The following PRKCE variants were observed in gnomAD, a reference collection of about 807,000 sequenced individuals.
PRKCE encodes protein kinase C epsilon type.
In PRKCE, 16 loss-of-function variants were observed where a neutral mutation model predicts 85.4. That is an observed-to-expected ratio of 0.19 (90% CI 0.13 to 0.28). The LOEUF is 0.28. Ranked by LOEUF, PRKCE falls within the 10% of genes least tolerant of loss-of-function variation. PRKCE has a pLI of 1.00. For synonymous variants in PRKCE, 388 were observed against 371.5 expected, an observed-to-expected ratio of 1.04 and a Z score of -0.51; for missense variants, 573 against 975.2, an observed-to-expected ratio of 0.59 and a Z score of 5.49.
At chr2:46,125,897 C>T (rs781288621) in intron 11 of PRKCE, among the ~76,000 whole-genome samples, 13 of 152,160 alleles carry the variant, frequency 8.5e-5, no homozygotes, top group Non-Finnish European at 1.3e-4. Flanking sequence ...TACGTGTCTT[C>T]GTTCTGAGTG....
intron 1 of PRKCE, among the ~76,000 whole-genome samples, chr2:45,749,612 A>G (rs1438238865): frequency 6.6e-6 from 1 of 152,268 alleles, no homozygotes; most frequent in African/African-American, 2.4e-5. Context: ...GTTATAGCAC[A>G]CATAATGAAA....
intron 10 of PRKCE, among the ~76,000 whole-genome samples, chr2:46,062,668 C>CTTTTTTTTTTTTTT (rs71394871): frequency 6.8e-5 from 5 of 73,294 alleles, no homozygotes; most frequent in Non-Finnish European, 9.4e-5. Context: ...AAAGCTCAGC[C>CTTTTTTTTTTTTTT]TTTTTTTTTT....
chr2:45,911,668 G>C (rs57810197), intron 2 of PRKCE, among the ~76,000 whole-genome samples: 14,833 of 152,208 alleles, frequency 0.097, 981 homozygotes, highest in East Asian at 0.31. Flanking sequence ...AGATAACTGA[G>C]TTGGTCATGT....
At chr2:46,079,669 G>C (rs955670722) in intron 10 of PRKCE, among the ~76,000 whole-genome samples, 2 of 152,230 alleles carry the variant, frequency 1.3e-5, no homozygotes. Flanking sequence ...ATCGATGTAA[G>C]AGCTATAAAA....
intron 1 of PRKCE, among the ~76,000 whole-genome samples, chr2:45,682,779 G>A (rs1035150946): frequency 6.6e-6 from 1 of 152,018 alleles, no homozygotes; most frequent in Non-Finnish European, 1.5e-5. Context: ...TAGAAACGGG[G>A]TTTCATCATG....
At chr2:45,925,556 A>G (rs906838023) in intron 2 of PRKCE, among the ~76,000 whole-genome samples, 5 of 152,134 alleles carry the variant, frequency 3.3e-5, no homozygotes, top group African/African-American at 1.2e-4. Flanking sequence ...TCGGCCTCCC[A>G]AAGTGCTAGG....
At chr2:46,142,974 G>T (rs1043808993) in intron 11 of PRKCE, among the ~76,000 whole-genome samples, 1 of 152,208 alleles carries the variant, frequency 6.6e-6, no homozygotes, top group Non-Finnish European at 1.5e-5. Context: ...GGGCTTGGTG[G>T]CTGGCATTGG....
chr2:45,869,401 C>T (rs916927000), intron 2 of PRKCE, among the ~76,000 whole-genome samples: 2 of 152,166 alleles, frequency 1.3e-5, no homozygotes, highest in Non-Finnish European at 2.9e-5. Flanking sequence ...TGCTAGTAAT[C>T]GCTCATAACA....
chr2:45,932,957 TTTC>T (rs1167432786), intron 2 of PRKCE, among the ~76,000 whole-genome samples: 4 of 152,256 alleles, frequency 2.6e-5, no homozygotes, highest in Non-Finnish European at 5.9e-5. Flanking sequence ...AGTGTTAGAA[TTTC>T]TTCTTAAGTC....
chr2:46,177,126 C>G (rs1487631129), intron 14 of PRKCE, among the ~76,000 whole-genome samples: 1 of 152,062 alleles, frequency 6.6e-6, no homozygotes, highest in African/African-American at 2.4e-5. Context: ...TTTTAAAAAC[C>G]AATTTCAGGC....
In PRKCE at chr2:45,889,166, G is replaced by A. The variant is rs71422185; in HGVS notation, c.412+46103G>A. Among the ~76,000 whole-genome samples the A allele has an allele frequency of 1.9e-3, 297 of 152,336 alleles. No homozygotes were observed. The Middle Eastern group carries it at 0.024, about 12-fold the overall frequency. ...GGGGCAGCTGGGGCAGGAGCTCAGC[G>A]ACTAAGAGTATACCGAGTTGGGGGA... On this transcript the variant is annotated intron_variant, in intron 2 of 14. Transcript: ENST00000306156.
rs142011070 is a variant in PRKCE at position 45,955,987 on chromosome 2, C to T, written c.413-20442C>T. ...TCAAGCCCTTTGCTCACCCTCAGCCCCGGGTAACCGCTGCGGTCTTTTCAG... is the reference window on the plus strand; with the variant it reads ...TCAAGCCCTTTGCTCACCCTCAGCCTCGGGTAACCGCTGCGGTCTTTTCAG... On this transcript the variant is annotated intron_variant, in intron 2 of 14. Coordinates refer to ENST00000306156, the MANE Select transcript of PRKCE (RefSeq NM_005400.3). 1.2e-3 allele frequency among the ~76,000 whole-genome samples: 185 copies of T among 152,328 alleles called. 1 individual carries two copies. Among genetic ancestry groups the T allele is most frequent in the Middle Eastern group, 3.4e-3 (1 of 294 alleles).
At chr2:45,816,816 T>C (rs1199950196) in intron 1 of PRKCE, among the ~76,000 whole-genome samples, 2 of 152,020 alleles carry the variant, frequency 1.3e-5, no homozygotes, top group African/African-American at 4.8e-5. Context: ...CTCCCCCTAA[T>C]TGTTAGAGGT....
At chr2:45,899,383 T>C (rs1313595448) in intron 2 of PRKCE, among the ~76,000 whole-genome samples, 2 of 151,220 alleles carry the variant, frequency 1.3e-5, no homozygotes, top group Non-Finnish European at 2.9e-5. Context: ...AAATTTTTTT[T>C]CTTTTTTTTT....
intron 9 of PRKCE, among the ~76,000 whole-genome samples, chr2:46,008,563 G>C (rs1705399354): frequency 6.6e-6 from 1 of 152,144 alleles, no homozygotes; most frequent in Non-Finnish European, 1.5e-5. Context: ...ACATGCCCTG[G>C]CATGTCCTGG....
rs201287266 is a variant in PRKCE, at chr2:45,869,696, TTCTC to T, written c.412+26641_412+26644del. Among the ~76,000 whole-genome samples the T allele has an allele frequency of 2.2e-3, 304 of 140,382 alleles. 5 individuals carry two copies. Among genetic ancestry groups the T allele is most frequent in the East Asian group, 0.015 (63 of 4,282 alleles). The allele number at this position is 140,382 out of a possible 152,430, so 92.1% of individuals were successfully genotyped here. The stretch of plus-strand genomic sequence containing the variant: ...TTTTTCTTTTTGTTTTTGTTTTTGT[TTCTC>T]TCTCTCTTTTTTTTTTTTTTTTTTT... On this transcript the variant is annotated intron_variant, in intron 2 of 14. Transcript: ENST00000306156.
At chr2:45,656,626 AG>A (rs1354181222) in intron 1 of PRKCE, among the ~76,000 whole-genome samples, 3 of 152,256 alleles carry the variant, frequency 2.0e-5, no homozygotes, top group Non-Finnish European at 4.4e-5. Context: ...GGCATATAAA[AG>A]ATAGATCTAT....
intron 1 of PRKCE, among the ~76,000 whole-genome samples, chr2:45,773,048 G>A (rs1369896810): frequency 2.0e-5 from 3 of 152,168 alleles, no homozygotes; most frequent in East Asian, 3.9e-4. Flanking sequence ...ACTTCCTTCT[G>A]GCTGCTCTGC....
chr2:46,010,218 G>T, intron 9 of PRKCE, 126 bp from the exon 10 acceptor site: 1 of 1,103,952 alleles, frequency 9.1e-7, no homozygotes, highest in Non-Finnish European at 1.2e-6. Flanking sequence ...ACCACACCAG[G>T]CTTGTTATAA....
Sources: allele counts gnomAD v4.1 joint callset (sites outside exome capture counted in the v4.1 genomes callset), GRCh38; gene constraint gnomAD v4.1.1; transcripts MANE v1.5; gene names NCBI Gene and HGNC (gene_info 2026-07-23, HGNC 2026-07-21).